The following SLF1 variants were observed in gnomAD, a reference collection of about 807,000 sequenced individuals.
The protein encoded by SLF1 is SMC5/6 complex localization factor 1.
In SLF1, 105 loss-of-function variants were observed where a neutral mutation model predicts 123.0. That is an observed-to-expected ratio of 0.85 (90% CI 0.73 to 1.00). The LOEUF (loss-of-function observed/expected upper bound fraction) is 1.00. SLF1 is among the 50% of genes least tolerant of loss of function. SLF1 has a pLI of 0.00. For synonymous variants in SLF1, 434 were observed against 406.6 expected, an observed-to-expected ratio of 1.07 and a Z score of -0.81; for missense variants, 1,239 against 1,223.0, an observed-to-expected ratio of 1.01 and a Z score of -0.20.
At chr5:94,671,422 G>A (rs1046141822) in intron 14 of SLF1, among the ~76,000 whole-genome samples, 11 of 151,372 alleles carry the variant, frequency 7.3e-5, no homozygotes, top group African/African-American at 2.7e-4. Flanking sequence ...GTTATTTTCT[G>A]AAATATTTGT....
chr5:94,629,192 T>G (rs754216444), intron 3 of SLF1, 25 bp downstream of exon 3: 1 of 1,521,434 alleles, frequency 6.6e-7, no homozygotes, highest in Non-Finnish European at 8.9e-7. Context: ...TTCCCCCAAC[T>G]TTTAAAAACA....
At chr5:94,633,999 T>C (rs1745484095) in intron 4 of SLF1, among the ~76,000 whole-genome samples, 1 of 152,188 alleles carries the variant, frequency 6.6e-6, no homozygotes, top group Non-Finnish European at 1.5e-5. Flanking sequence ...ATCCCACAAA[T>C]TTGTATTAAT....
chr5:94,687,525 T>C (rs1225789172), intron 16 of SLF1, among the ~76,000 whole-genome samples: 1 of 152,098 alleles, frequency 6.6e-6, no homozygotes, highest in Admixed American at 6.5e-5. Flanking sequence ...AGCAATACTC[T>C]GTCTCTAAAA....
At chr5:94,685,936 A>G (rs1354916600) in intron 15 of SLF1, among the ~76,000 whole-genome samples, 1 of 151,378 alleles carries the variant, frequency 6.6e-6, no homozygotes, top group African/African-American at 2.4e-5. Flanking sequence ...TTCTTTATAC[A>G]TGCTCCTGTT....
Position 94,688,717 on chromosome 5 carries a change from C to CT in SLF1, c.2285+51dup, listed in dbSNP as rs749520566. ...CTGTGCTTTGTTTTGGAGTACAGCT[C>CT]TTTCTCTGATGCATTTCTTGAACTT... On this transcript the variant is annotated intron_variant, in intron 17 of 20. Coordinates refer to ENST00000265140, the MANE Select transcript of SLF1 (RefSeq NM_032290.4). 53 of 1,585,632 alleles carry CT rather than the reference C, an allele frequency of 3.3e-5. 1 individual carries two copies. In the South Asian group the frequency reaches 3.9e-4, roughly 12 times the overall value.
rs1266291768 is a variant in SLF1, at chr5:94,662,304, A to T, written c.1162A>T (p.Arg388Ter). The change falls in exon 10 of 21, where the codon AGA (arginine) becomes TGA (stop). Residue 388 changes from arginine (R) to a stop codon, truncating the protein, a stop_gained. Transcript: ENST00000265140. LOFTEE classifies it high-confidence loss of function. ...RKHIYRAQAV[R>*]YNCIRIDKQP... ...TATGGTTGCTCTTTTGTAGGCTGTCAGATACAACTGCATTAGAATAGATAA... is the reference window on the plus strand; with the variant it reads ...TATGGTTGCTCTTTTGTAGGCTGTCTGATACAACTGCATTAGAATAGATAA... 1.3e-6 allele frequency: 2 copies of T among 1,548,678 alleles called. No homozygotes were observed. Among genetic ancestry groups the T allele is most frequent in the South Asian group, 2.4e-5 (2 of 83,434 alleles).
intron 2 of SLF1, 50 bp from the exon 3 acceptor site, chr5:94,629,042 A>G: frequency 6.8e-7 from 1 of 1,474,914 alleles, no homozygotes; most frequent in Non-Finnish European, 9.2e-7. Flanking sequence ...ATGTGTCATA[A>G]AGGGAGTCTT....
At chr5:94,653,509 A>T in intron 8 of SLF1, 88 bp downstream of exon 8, 1 of 1,190,700 alleles carries the variant, frequency 8.4e-7, no homozygotes, top group Non-Finnish European at 1.1e-6. Flanking sequence ...TACATGTTTT[A>T]AGAAAAAATC....
intron 20 of SLF1, among the ~76,000 whole-genome samples, chr5:94,694,401 ATTGT>A (rs1753361388): frequency 6.6e-6 from 1 of 151,848 alleles, no homozygotes; most frequent in South Asian, 2.1e-4. Flanking sequence ...CACTGCTAGA[ATTGT>A]TTATTAGCAA....
intron 4 of SLF1, among the ~76,000 whole-genome samples, chr5:94,632,477 T>C (rs1745314697): frequency 6.6e-6 from 1 of 152,222 alleles, no homozygotes; most frequent in Admixed American, 6.5e-5. Flanking sequence ...ATCTTAACAA[T>C]ATTGAGTCTT....
At chr5:94,631,954 A>C (rs985228332) in intron 4 of SLF1, among the ~76,000 whole-genome samples, 1 of 146,592 alleles carries the variant, frequency 6.8e-6, no homozygotes, top group Non-Finnish European at 1.5e-5. Flanking sequence ...TGTCTCTACA[A>C]AATTTTTTTT....
chr5:94,653,796 T>C (rs946257858), intron 8 of SLF1, among the ~76,000 whole-genome samples: 3 of 152,158 alleles, frequency 2.0e-5, no homozygotes, highest in Non-Finnish European at 4.4e-5. Flanking sequence ...CCATTTTTAA[T>C]GAGATGTCTT....
chr5:94,659,525 T>G (rs1315009098), intron 9 of SLF1, among the ~76,000 whole-genome samples: 1 of 152,266 alleles, frequency 6.6e-6, no homozygotes, highest in African/African-American at 2.4e-5. Flanking sequence ...GTTGTTTGGA[T>G]AGAGTGCTTT....
intron 7 of SLF1, 37 bp from the exon 8 acceptor site, chr5:94,653,235 T>G (rs778747993): frequency 1.0e-5 from 15 of 1,454,736 alleles, no homozygotes; most frequent in Non-Finnish European, 1.4e-5. Context: ...CATATGTCAT[T>G]GATGTTGAGA....
intron 14 of SLF1, among the ~76,000 whole-genome samples, chr5:94,673,725 A>G (rs1206823286): frequency 6.7e-6 from 1 of 149,862 alleles, no homozygotes; most frequent in African/African-American, 2.5e-5. Context: ...ATTCATCTGA[A>G]TTACCTAGGC....
Position 94,654,722 on chromosome 5 carries a change from T to TA in SLF1, c.1126dup (p.Thr376AsnfsTer8), listed in dbSNP as rs1164866682. The TA allele has an allele frequency of 1.2e-5, 18 of 1,542,090 alleles. No homozygotes were observed. The highest frequency in any genetic ancestry group is 1.6e-5 in the Non-Finnish European group (18 of 1,142,214). On this transcript the variant is annotated frameshift_variant, in exon 9 of 21. Coordinates refer to ENST00000265140, the MANE Select transcript of SLF1 (RefSeq NM_032290.4). LOFTEE classifies it high-confidence loss of function. ...ATGTGGATGTTGTTGAAATAAAAAA[T>TA]ACCTTAAGGAAGCACATATATAGAG...
chr5:94,696,321 A>G lies in SLF1; in HGVS notation c.*1009A>G, dbSNP rs1753505710. 6.6e-6 allele frequency: 1 copy of G among 151,878 alleles called. No individual in the cohort carries two copies. Among genetic ancestry groups the G allele is most frequent in the Non-Finnish European group, 1.5e-5 (1 of 67,846 alleles). 9.4% of individuals were successfully genotyped at this position (151,878 alleles called of 1,614,324 possible). ...CCTTAGCAGTTAATCTGCTAAAGCAATACACTTCAGTTTTATTTTGGAAAT... is the reference window on the plus strand; with the variant it reads ...CCTTAGCAGTTAATCTGCTAAAGCAGTACACTTCAGTTTTATTTTGGAAAT... On this transcript the variant is annotated 3_prime_UTR_variant, in exon 21 of 21. Transcript: ENST00000265140.
chr5:94,685,447 A>T (rs976290025), intron 15 of SLF1, among the ~76,000 whole-genome samples: 1 of 151,492 alleles, frequency 6.6e-6, no homozygotes, highest in Non-Finnish European at 1.5e-5. Flanking sequence ...AGCTTTTTTG[A>T]TATCCTCTTG....
intron 15 of SLF1, among the ~76,000 whole-genome samples, chr5:94,682,012 GTGTGCA>G (rs1751840041): frequency 6.6e-6 from 1 of 152,058 alleles, no homozygotes; most frequent in Non-Finnish European, 1.5e-5. Flanking sequence ...CTGTGCGTGT[GTGTGCA>G]TGTGTGTGTG....
Sources: gnomAD v4.1 joint callset for allele counts (sites outside exome capture counted in the v4.1 genomes callset) on GRCh38, gnomAD v4.1.1 for gene constraint, MANE v1.5 for transcripts, NCBI Gene and HGNC (gene_info 2026-07-23, HGNC 2026-07-21) for gene names.